The following LMO7 variants were observed in gnomAD, a reference collection of about 807,000 sequenced individuals.
The protein encoded by LMO7 is LIM domain only protein 7.
A neutral mutation model predicts 206.5 loss-of-function variants in LMO7; 120 were observed. That is an observed-to-expected ratio of 0.58 (90% confidence interval 0.50 to 0.68). The LOEUF is 0.68. Ranked by LOEUF, LMO7 falls within the 30% of genes least tolerant of loss-of-function variation. LMO7 has a pLI of 0.00. For missense variants in LMO7, 1,959 were observed against 1,957.9 expected (o/e 1.00, Z -0.01); for synonymous variants, 706 against 681.5 (o/e 1.04, Z -0.56).
chr13:75,840,276 T>A, intron 21 of LMO7, 115 bp from the exon 22 acceptor site: 4 of 1,392,518 alleles, frequency 2.9e-6, no homozygotes, highest in Non-Finnish European at 4.0e-6. Flanking sequence ...TCTCCCTTGG[T>A]ACAGTTTAAG....
At chr13:75,779,031 G>C (rs1006395861) in intron 4 of LMO7, among the ~76,000 whole-genome samples, 10 of 152,234 alleles carry the variant, frequency 6.6e-5, no homozygotes, top group Middle Eastern at 3.4e-3. Flanking sequence ...GAATTGATGG[G>C]ATTTGGTGAT....
At chr13:75,776,162 GATATATATATATATATATAT>G (rs58964680) in intron 4 of LMO7, among the ~76,000 whole-genome samples, 3,996 of 36,868 alleles carry the variant, frequency 0.11, 481 homozygotes, top group East Asian at 0.25. Context: ...ATATATATCG[GATATATATATATATATATAT>G]ATATATATAT....
intron 2 of LMO7, among the ~76,000 whole-genome samples, chr13:75,719,590 C>T (rs1455411206): frequency 1.3e-5 from 2 of 152,100 alleles, no homozygotes; most frequent in Non-Finnish European, 2.9e-5. Flanking sequence ...GTGTGTGGCA[C>T]TTCCCCCTTC....
chr13:75,760,038 A>T (rs1205359979), intron 3 of LMO7, among the ~76,000 whole-genome samples: 1 of 151,716 alleles, frequency 6.6e-6, no homozygotes, highest in African/African-American at 2.4e-5. Context: ...TCAACCCCAT[A>T]AAGTGTTTTC....
At chr13:75,768,478 A>G (rs2049188941) in intron 4 of LMO7, among the ~76,000 whole-genome samples, 1 of 152,100 alleles carries the variant, frequency 6.6e-6, no homozygotes, top group Non-Finnish European at 1.5e-5. Context: ...CAATTGAATT[A>G]ACTTTTTCAA....
intron 1 of LMO7, among the ~76,000 whole-genome samples, chr13:75,651,994 A>G (rs929860747): frequency 6.6e-6 from 1 of 152,222 alleles, no homozygotes; most frequent in Admixed American, 6.5e-5. Context: ...AATATGGGTC[A>G]TCTATTACGA....
chr13:75,830,021 G>A (rs1227753298), intron 15 of LMO7, among the ~76,000 whole-genome samples: 1 of 152,044 alleles, frequency 6.6e-6, no homozygotes, highest in African/African-American at 2.4e-5. Flanking sequence ...AGGAATCTAG[G>A]TTTCCCCCAA....
intron 4 of LMO7, among the ~76,000 whole-genome samples, chr13:75,781,153 T>A (rs556735502): frequency 2.0e-4 from 29 of 145,538 alleles, no homozygotes; most frequent in Non-Finnish European, 3.9e-4. Flanking sequence ...ATACTTTAAG[T>A]TTTAGGGTAC....
chr13:75,835,279 C>G lies in LMO7; in HGVS notation c.3273C>G (p.Asn1091Lys). The G allele has an allele frequency of 3.1e-6, 5 of 1,610,882 alleles. No individual in the cohort carries two copies. The highest frequency in any genetic ancestry group is 4.2e-6 in the Non-Finnish European group (5 of 1,178,478). The change falls in exon 18 of 31, where the codon AAC becomes AAG. Residue 1091 changes from asparagine to lysine, a missense_variant. Transcript: ENST00000377534. ...TTGATGCAACTTCTGGAATTTACAA[C>G]TCAGAAAAATCTTCAAATCTATCTG... ...KWIDATSGIY[N>K]SEKSSNLSVT...
At chr13:75,838,310 G>T in intron 20 of LMO7, 114 bp downstream of exon 20, 2 of 1,544,544 alleles carry the variant, frequency 1.3e-6, no homozygotes, top group South Asian at 2.3e-5. Flanking sequence ...CTGTCATTAT[G>T]ACCAAGCGAC....
chr13:75,694,831 C>A (rs1395089621), intron 1 of LMO7, among the ~76,000 whole-genome samples: 6 of 152,108 alleles, frequency 3.9e-5, no homozygotes, highest in African/African-American at 1.4e-4. Flanking sequence ...AACTTGAGGA[C>A]TAGGGCTTGG....
At chr13:75,643,248 A>G (rs2036721684) in intron 1 of LMO7, among the ~76,000 whole-genome samples, 1 of 152,170 alleles carries the variant, frequency 6.6e-6, no homozygotes, top group Non-Finnish European at 1.5e-5. Context: ...TCTTCCTGTT[A>G]AGACTGGTTC....
At chr13:75,707,802 T>G (rs117588224) in intron 1 of LMO7, among the ~76,000 whole-genome samples, 9,706 of 152,080 alleles carry the variant, frequency 0.064, 432 homozygotes, top group Middle Eastern at 0.11. Context: ...TTTATCATCA[T>G]TATTTAGATT....
chr13:75,819,377 G>A lies in LMO7; in HGVS notation c.2065-16G>A. 1.3e-6 allele frequency: 2 copies of A among 1,585,284 alleles called. No homozygotes were observed. The highest frequency in any genetic ancestry group is 1.7e-6 in the Non-Finnish European group (2 of 1,170,204). ...GAAATTCAGGTGTGCCCCTGCTGAT[G>A]TGATTTTTCTGTCAGGACCTTGCAA... On this transcript the variant is annotated splice_polypyrimidine_tract_variant and intron_variant, in intron 12 of 30. Transcript: ENST00000377534.
At chr13:75,820,979 C>T (rs1263738996) in intron 13 of LMO7, among the ~76,000 whole-genome samples, 198 bp from the exon 14 acceptor site, 1 of 142,122 alleles carries the variant, frequency 7.0e-6, no homozygotes, top group African/African-American at 2.6e-5. Context: ...GCCTGGACGA[C>T]AGAGCGAGAT....
rs756874271 is a variant in LMO7, at chr13:75,835,348, T to C, written c.3333+9T>C. 4 of 1,572,186 alleles carry C rather than the reference T, an allele frequency of 2.5e-6. No individual in the cohort carries two copies. The highest frequency in any genetic ancestry group is 3.5e-6 in the Non-Finnish European group (4 of 1,155,244). ...AAAGCCTTCAGAGTTCTGTGAGTATTTGGAGAAGTAGGAAGTACTGGTGTG... is the reference window on the plus strand; with the variant it reads ...AAAGCCTTCAGAGTTCTGTGAGTATCTGGAGAAGTAGGAAGTACTGGTGTG... On this transcript the variant is annotated intron_variant, in intron 18 of 30. Transcript: ENST00000377534.
chr13:75,751,463 T>G (rs2047269232), intron 3 of LMO7, among the ~76,000 whole-genome samples: 1 of 152,100 alleles, frequency 6.6e-6, no homozygotes, highest in South Asian at 2.1e-4. Context: ...CCTGACCAGC[T>G]CTTTTTTAAA....
Position 75,842,885 on chromosome 13 carries a change from G to A in LMO7, c.4066G>A (p.Glu1356Lys), listed in dbSNP as rs1345760295. ...VDSYDIPKTE[E>K]ASSGFLPGDR... Reference sequence around the variant, plus strand: ...TTCCTATGATATACCAAAGACAGAAGAAGCATCTTCAGGTTTTCTTCCTGG... The same window carrying A: ...TTCCTATGATATACCAAAGACAGAAAAAGCATCTTCAGGTTTTCTTCCTGG... Residue 1356 changes from glutamate to lysine, a missense_variant, in exon 25 of 31, where the codon GAA becomes AAA. Coordinates refer to ENST00000377534, the MANE Select transcript of LMO7 (RefSeq NM_001306080.2). 6.2e-7 allele frequency: 1 copy of A among 1,608,278 alleles called. No homozygotes were observed. Among genetic ancestry groups the A allele is most frequent in the African/African-American group, 1.3e-5 (1 of 74,968 alleles).
chr13:75,621,255 A>G (rs1254265776), exon 1 of LMO7: 1 of 152,244 alleles, frequency 6.6e-6, no homozygotes, highest in Non-Finnish European at 1.5e-5. Flanking sequence ...GATGGAATGA[A>G]TAGATTGCAT....
Sources: gnomAD v4.1 joint callset for allele counts (sites outside exome capture counted in the v4.1 genomes callset) on GRCh38, gnomAD v4.1.1 for gene constraint, MANE v1.5 for transcripts, NCBI Gene and HGNC (gene_info 2026-07-23, HGNC 2026-07-21) for gene names.